The following CLHC1 variants were observed in gnomAD, a reference collection of about 807,000 sequenced individuals.
CLHC1 encodes the protein clathrin heavy chain linker domain containing 1.
A neutral mutation model predicts 69.5 loss-of-function variants in CLHC1; 72 were observed. The ratio of observed to expected loss-of-function variants is 1.04; its 90% CI spans 0.86 to 1.26. The LOEUF (loss-of-function observed/expected upper bound fraction) is 1.26, where lower values mean the gene tolerates loss of function less well. Ranked by LOEUF, CLHC1 falls within the 50% of genes most tolerant of loss-of-function variation. The pLI is 0.00. For missense variants in CLHC1, 790 were observed against 679.3 expected, an observed-to-expected ratio of 1.16 and a Z score of -1.81; for synonymous variants, 223 against 224.3, an observed-to-expected ratio of 0.99 and a Z score of 0.05.
Position 55,213,548 on chromosome 2 carries a change from T to G in CLHC1, c.366-742A>C, listed in dbSNP as rs536861382. 5.3e-5 allele frequency among the ~76,000 whole-genome samples: 8 copies of G among 152,320 alleles called. No homozygotes were observed. The East Asian group carries it at 1.5e-3, about 29-fold the overall frequency. On this transcript the variant is annotated intron_variant, in intron 4 of 12. Coordinates refer to ENST00000401408, the MANE Select transcript of CLHC1 (RefSeq NM_152385.4). ...TGTCTTTGAAAAACTTTATTGAGCC[T>G]ACTACAGTAATTTTGATCCTAGAGC...
intron 9 of CLHC1, 46 bp downstream of exon 9, chr2:55,206,224 G>A (rs979106412): frequency 9.1e-7 from 1 of 1,101,624 alleles, no homozygotes; most frequent in Non-Finnish European, 1.4e-6. Context: ...GAGAGAAAAA[G>A]TAGTAAATTT....
intron 3 of CLHC1, among the ~76,000 whole-genome samples, chr2:55,221,826 A>C (rs1367564230): frequency 6.6e-6 from 1 of 152,100 alleles, no homozygotes; most frequent in Non-Finnish European, 1.5e-5. Context: ...AAATTTTAAA[A>C]ATTAGTCAGG....
chr2:55,216,597 G>A (rs903492718), intron 4 of CLHC1, among the ~76,000 whole-genome samples: 10 of 151,578 alleles, frequency 6.6e-5, no homozygotes, highest in African/African-American at 2.4e-4. Flanking sequence ...GTGCAGTGGC[G>A]CAATCATGGC....
chr2:55,183,956 T>G (rs374093956), intron 9 of CLHC1, among the ~76,000 whole-genome samples: 1 of 152,036 alleles, frequency 6.6e-6, no homozygotes, highest in South Asian at 2.1e-4. Context: ...AATTTTTGTA[T>G]TTTTAGTAGA....
At chr2:55,191,573 G>A (rs148459895) in intron 9 of CLHC1, among the ~76,000 whole-genome samples, 24 of 151,984 alleles carry the variant, frequency 1.6e-4, no homozygotes, top group South Asian at 1.0e-3. Context: ...GAATAGATAC[G>A]GTATATGCTA....
At position 55,191,525 on chromosome 2, in the gene CLHC1, C is replaced by T. The variant is rs549705990; in HGVS notation, c.1007-9781G>A. ...CTGGGATTACAGGCGTGAGCCACTG[C>T]GCCCAGCCAGAAAAATAGATGTACA... On this transcript the variant is annotated intron_variant, in intron 9 of 12. Coordinates refer to ENST00000401408, the MANE Select transcript of CLHC1 (RefSeq NM_152385.4). Among the ~76,000 whole-genome samples the T allele has an allele frequency of 1.8e-4, 27 of 152,220 alleles. No homozygotes were observed. In the East Asian group the frequency reaches 2.9e-3, roughly 16 times the overall value.
At chr2:55,221,937 A>G (rs1674163960) in intron 3 of CLHC1, among the ~76,000 whole-genome samples, 1 of 152,226 alleles carries the variant, frequency 6.6e-6, no homozygotes, top group African/African-American at 2.4e-5. Context: ...TGAGTGTGCC[A>G]CTGCACTCCA....
At chr2:55,198,033 T>C (rs1671587106) in intron 9 of CLHC1, among the ~76,000 whole-genome samples, 1 of 152,150 alleles carries the variant, frequency 6.6e-6, no homozygotes, top group African/African-American at 2.4e-5. Context: ...CAGGCATAAA[T>C]TCTGGAGTTG....
intron 2 of CLHC1, among the ~76,000 whole-genome samples, chr2:55,227,592 C>G (rs186190545): frequency 3.3e-5 from 5 of 150,824 alleles, no homozygotes; most frequent in Non-Finnish European, 7.4e-5. Context: ...GCAGGAGAAT[C>G]ACTTGAACCC....
At chr2:55,230,251 G>C (rs1675156718) in intron 1 of CLHC1, among the ~76,000 whole-genome samples, 1 of 152,152 alleles carries the variant, frequency 6.6e-6, no homozygotes, top group Non-Finnish European at 1.5e-5. Context: ...CATATATTTT[G>C]AAAATAAAGC....
chr2:55,204,511 T>C (rs1182926386), intron 9 of CLHC1, among the ~76,000 whole-genome samples: 4 of 152,180 alleles, frequency 2.6e-5, no homozygotes, highest in Admixed American at 2.6e-4. Flanking sequence ...TTGTACACTG[T>C]TGGTGGGAAT....
At chr2:55,183,121 T>G (rs1460421243) in intron 9 of CLHC1, among the ~76,000 whole-genome samples, 1 of 151,846 alleles carries the variant, frequency 6.6e-6, no homozygotes, top group African/African-American at 2.4e-5. Context: ...GAGGAGAGAG[T>G]AGCAGAGTAA....
chr2:55,206,545 G>C (rs1243781445), intron 8 of CLHC1, among the ~76,000 whole-genome samples, 169 bp from the exon 9 acceptor site: 2 of 152,136 alleles, frequency 1.3e-5, no homozygotes, highest in African/African-American at 4.8e-5. Flanking sequence ...GATGTTCCTT[G>C]AAATCCTTCT....
upstream of CLHC1, chr2:55,232,536 G>A (rs111458298): frequency 2.2e-4 from 118 of 530,062 alleles, no homozygotes; most frequent in African/African-American, 2.0e-3. Context: ...ATAAGCCCAG[G>A]CTAGGGAGAG....
intron 2 of CLHC1, chr2:55,224,753 G>T: frequency 3.0e-6 from 1 of 327,936 alleles, no homozygotes; most frequent in South Asian, 3.2e-5. Flanking sequence ...GTGTCCATGA[G>T]AACATCAGTG....
At chr2:55,195,778 G>A (rs1472861488) in intron 9 of CLHC1, among the ~76,000 whole-genome samples, 1 of 152,150 alleles carries the variant, frequency 6.6e-6, no homozygotes, top group Non-Finnish European at 1.5e-5. Context: ...CAGCCTGGGT[G>A]ACAGAGTGAG....
Position 55,175,948 on chromosome 2 carries a change from A to C in CLHC1, c.1603T>G (p.Ser535Ala), listed in dbSNP as rs765283067. Reference sequence around the variant, plus strand: ...GCCACTTCTTGCCACTTTTCTATGGAGCAAAAGGAATCATTTATCATAAGA... The same window carrying C: ...GCCACTTCTTGCCACTTTTCTATGGCGCAAAAGGAATCATTTATCATAAGA... ...ESLMINDSFC[S>A]IEKWQEVANI... is the part of the protein sequence containing the mutation. The change falls in exon 13 of 13, where the codon TCC becomes GCC. Residue 535 changes from serine (S) to alanine (A), a missense_variant. Physicochemically the swap from Ser to Ala is moderately conservative, Grantham distance 99 (BLOSUM62 1). Transcript: ENST00000401408. 13 of 1,613,920 alleles carry C rather than the reference A, an allele frequency of 8.1e-6. No homozygotes were observed. Among genetic ancestry groups the C allele is most frequent in the Non-Finnish European group, 1.1e-5 (13 of 1,179,936 alleles).
rs192556587 is a variant in CLHC1 at position 55,180,606 on chromosome 2, A to G, written c.1288T>C (p.Cys430Arg). Residue 430 changes from cysteine to arginine, a missense_variant, in exon 11 of 13, where the codon TGT (cysteine) becomes CGT (arginine). Coordinates refer to ENST00000401408, the MANE Select transcript of CLHC1 (RefSeq NM_152385.4). ...AGAATAGCTTTCTTGTGCAGGCCAC[A>G]TTCACTGTAGACAATCTGAGCTAAA... is the stretch of plus-strand genomic sequence containing the variant. ...LALAQIVYSE[C>R]GLHKKAILCL... 5.6e-6 allele frequency: 9 copies of G among 1,614,062 alleles called. No individual in the cohort carries two copies. The Admixed American group carries it at 8.3e-5, about 15-fold the overall frequency.
chr2:55,179,133 T>C (rs1301858928), intron 11 of CLHC1, among the ~76,000 whole-genome samples: 1 of 152,004 alleles, frequency 6.6e-6, no homozygotes, highest in East Asian at 1.9e-4. Flanking sequence ...TGTCTAAACA[T>C]TAACTAATAT....
Sources: allele counts gnomAD v4.1 joint callset (sites outside exome capture counted in the v4.1 genomes callset), GRCh38; gene constraint gnomAD v4.1.1; transcripts MANE v1.5; gene names NCBI Gene and HGNC (gene_info 2026-07-23, HGNC 2026-07-21).